Variants in SYNE2 observed in about 807,000 individuals in gnomAD.
The protein encoded by SYNE2 is nesprin-2.
In SYNE2, 431 loss-of-function variants were observed where a neutral mutation model predicts 856.3. The observed-to-expected ratio is 0.50, with a 90% CI of 0.47 to 0.55. The LOEUF is 0.55. Among genes scored for constraint, SYNE2 ranks in the 20% least tolerant of loss-of-function variants. The pLI is 0.00. For synonymous variants in SYNE2, 2,923 were observed against 2,872.3 expected (o/e 1.02, Z -0.56); for missense variants, 8,129 against 8,023.2 (o/e 1.01, Z -0.50).
intron 6 of SYNE2, among the ~76,000 whole-genome samples, chr14:63,944,792 TACAGGC>T (rs1566871048): frequency 6.8e-6 from 1 of 147,436 alleles, no homozygotes; most frequent in Non-Finnish European, 1.5e-5. Flanking sequence ...GTGCTGGGAT[TACAGGC>T]GTGAGCCACC....
chr14:64,077,381 TG>T (rs2097472576), intron 54 of SYNE2, among the ~76,000 whole-genome samples: 1 of 24,778 alleles, frequency 4.0e-5, no homozygotes, highest in African/African-American at 1.5e-4. Context: ...GGAACCAAAG[TG>T]GGATTTTTTT....
chr14:64,119,046 T>C (rs753944931), intron 66 of SYNE2, among the ~76,000 whole-genome samples: 6 of 152,208 alleles, frequency 3.9e-5, no homozygotes, highest in Non-Finnish European at 5.9e-5. Flanking sequence ...CACACTCCTC[T>C]AAAGTAAGGT....
At position 63,841,015 on chromosome 14, in the gene SYNE2, A is replaced by AAAAACAAAAC. The variant is rs545110673; in HGVS notation, c.-304-11466_-304-11457dup. Among the ~76,000 whole-genome samples, 712 of 152,266 alleles carry AAAAACAAAAC rather than the reference A, an allele frequency of 4.7e-3. 6 individuals are homozygous for AAAAACAAAAC. The highest frequency in any genetic ancestry group is 0.016 in the African/African-American group (661 of 41,540). On this transcript the variant is annotated intron_variant, in intron 1 of 23. Coordinates refer to the SYNE2 transcript ENST00000674003. ...GGCAACAGGAGCAAAACTCTGTCTCAAAAACAAAACAAAACAAAACAAAAC... is the reference window on the plus strand; with the variant it reads ...GGCAACAGGAGCAAAACTCTGTCTCAAAAACAAAACAAAACAAAACAAAACAAAACAAAAC...
At chr14:64,120,820 C>T in intron 67 of SYNE2, 107 bp from the exon 68 acceptor site, 1 of 1,166,102 alleles carries the variant, frequency 8.6e-7, no homozygotes, top group Non-Finnish European at 1.2e-6. Context: ...AAAATACCAT[C>T]ATTTATTTCA....
At chr14:64,143,612 C>G (rs1567446147) in intron 82 of SYNE2, among the ~76,000 whole-genome samples, 160 bp from the exon 83 acceptor site, 1 of 152,152 alleles carries the variant, frequency 6.6e-6, no homozygotes, top group African/African-American at 2.4e-5. Context: ...CCAATAAAGC[C>G]AACTCCTGGT....
Position 63,820,223 on chromosome 14 carries a change from A to G in SYNE2, c.-304-32278A>G, listed in dbSNP as rs112941690. On this transcript the variant is annotated intron_variant, in intron 1 of 23. Coordinates refer to the SYNE2 transcript ENST00000674003. ...AAGTCAAGATAATGTGATTATAGAT[A>G]GCATCAATATAGGCAAATAGGGCAA... Among the ~76,000 whole-genome samples the G allele has an allele frequency of 4.1e-3, 629 of 152,340 alleles. 2 individuals carry two copies. The highest frequency in any genetic ancestry group is 6.0e-3 in the Non-Finnish European group (405 of 68,020).
At chr14:63,770,603 C>T (rs910701842) in intron 1 of SYNE2, among the ~76,000 whole-genome samples, 3 of 152,048 alleles carry the variant, frequency 2.0e-5, no homozygotes, top group African/African-American at 7.2e-5. Flanking sequence ...AGTTTGGGAC[C>T]AGCCTGGACA....
chr14:64,214,463 A>C lies in SYNE2; in HGVS notation c.19326A>C (p.Ala6442=). The part of the protein sequence containing the change: ...EEDEEGPYYS[A]LSDVEIPENP... ...ACGAGGAGGGCCCATACTACAGCGC[A>C]CTGTCAGGTAACAGCTGGGTTCCCA... is the stretch of plus-strand genomic sequence containing the variant. The change falls in exon 106 of 116, where the codon GCA becomes GCC. Residue 6442 remains alanine, a synonymous_variant. Coordinates refer to ENST00000555002, the MANE Select transcript of SYNE2 (RefSeq NM_182914.3). The C allele has an allele frequency of 6.2e-7, 1 of 1,612,278 alleles. No homozygotes were observed. Among genetic ancestry groups the C allele is most frequent in the Non-Finnish European group, 8.5e-7 (1 of 1,179,758 alleles).
rs201147247 is a variant in SYNE2, at chr14:64,188,559, C to T, written c.17722C>T (p.Arg5908Cys). Residue 5908 changes from arginine (R) to cysteine (C), a missense_variant, in exon 98 of 116, where the codon CGT (arginine) becomes TGT (cysteine). Coordinates refer to ENST00000555002, the MANE Select transcript of SYNE2 (RefSeq NM_182914.3). ...GTATTTTCATTTGCAGGTGGCCATA[C>T]GTAAACAGGAGATTGAAGACAGACT... is the stretch of plus-strand genomic sequence containing the variant. ...WEDLCLRVAIRKQEIEDRLNT... is the reference protein window; with the variant it reads ...WEDLCLRVAICKQEIEDRLNT... 1.2e-5 allele frequency: 20 copies of T among 1,613,874 alleles called. No homozygotes were observed. In the Admixed American group the frequency reaches 2.8e-4, roughly 23 times the overall value.
intron 8 of SYNE2, among the ~76,000 whole-genome samples, chr14:63,957,264 ATTTTTTTT>A (rs4027476): frequency 9.0e-6 from 1 of 110,814 alleles, no homozygotes; most frequent in East Asian, 2.7e-4. Context: ...TGCCCAGCTA[ATTTTTTTT>A]TTTTTTTTTT....
At chr14:64,063,981 T>C (rs2097337919) in intron 50 of SYNE2, among the ~76,000 whole-genome samples, 1 of 151,484 alleles carries the variant, frequency 6.6e-6, no homozygotes, top group Non-Finnish European at 1.5e-5. Flanking sequence ...TCAACAACAA[T>C]AACAGAGAAA....
chr14:63,788,556 T>C (rs115263521), intron 1 of SYNE2, among the ~76,000 whole-genome samples: 1,594 of 152,070 alleles, frequency 0.01, 31 homozygotes, highest in African/African-American at 0.036. Context: ...GCGGGGCTCC[T>C]GCCTGCTCCA....
At chr14:64,045,100 T>G (rs2097176293) in intron 45 of SYNE2, among the ~76,000 whole-genome samples, 1 of 152,204 alleles carries the variant, frequency 6.6e-6, no homozygotes, top group Non-Finnish European at 1.5e-5. Context: ...GTCTGTGTTC[T>G]AACCTCCCTG....
At chr14:63,973,284 T>C (rs552125223) in intron 11 of SYNE2, among the ~76,000 whole-genome samples, 2 of 152,156 alleles carry the variant, frequency 1.3e-5, no homozygotes, top group South Asian at 4.2e-4. Context: ...AAGAAATAAC[T>C]TTTTTCATTT....
At chr14:63,873,706 A>G (rs537267009) in intron 1 of SYNE2, 2 of 152,346 alleles carry the variant, frequency 1.3e-5, no homozygotes, top group East Asian at 3.9e-4. Context: ...TTACCTTTGT[A>G]AGAAATCATA....
In SYNE2 at chr14:64,210,024, G is replaced by A. The variant is rs773412011; in HGVS notation, c.18623G>A (p.Arg6208His). ...KQYRRLAREN[R>H]TDTASRLKQM... is the part of the protein sequence containing the mutation. ...TACCGGCGGCTGGCCCGGGAGAACC[G>A]CACAGACACGGCCAGCAGGCTGAAG... is the stretch of plus-strand genomic sequence containing the variant. Residue 6208 changes from arginine (R) to histidine (H), a missense_variant, in exon 103 of 116, where the codon CGC becomes CAC. Around this residue, in one of 3 missense-constraint regions of SYNE2, gnomAD observed 5,410 missense variants for 5,284.8 expected, o/e 1.02. Transcript: ENST00000555002. The A allele has an allele frequency of 1.4e-5, 23 of 1,613,918 alleles. No homozygotes were observed. The highest frequency in any genetic ancestry group is 4.4e-5 in the South Asian group (4 of 91,080).
At chr14:64,189,163 G>C (rs960728201) in intron 98 of SYNE2, among the ~76,000 whole-genome samples, 1 of 151,948 alleles carries the variant, frequency 6.6e-6, no homozygotes, top group African/African-American at 2.4e-5. Flanking sequence ...GTGAAACCTC[G>C]TCTCTACTAA....
intron 1 of SYNE2, among the ~76,000 whole-genome samples, chr14:63,866,389 A>G (rs1895325969): frequency 6.6e-6 from 1 of 152,198 alleles, no homozygotes. Flanking sequence ...TTGGCCAGGC[A>G]TAGTTGCTCA....
Position 64,028,045 on chromosome 14 carries a change from C to G in SYNE2, c.6714+252C>G, listed in dbSNP as rs117615936. 1.1e-3 allele frequency among the ~76,000 whole-genome samples: 171 copies of G among 152,122 alleles called. 3 individuals are homozygous for G. In the East Asian group the frequency reaches 0.015, roughly 13 times the overall value. ...GCTTCAGCCTCCCGGGTTGGGACTA[C>G]AGGCATGTGCCACTACACCTGGCTC... On this transcript the variant is annotated intron_variant, in intron 43 of 115. Transcript: ENST00000555002.
Sources: allele counts gnomAD v4.1 joint callset (sites outside exome capture counted in the v4.1 genomes callset), GRCh38; gene constraint gnomAD v4.1.1; regional missense constraint gnomAD v4.1.1; transcripts MANE v1.5; gene names NCBI Gene and HGNC (gene_info 2026-07-23, HGNC 2026-07-21).